Variants in GARIN3 observed in about 807,000 individuals in gnomAD.
The protein encoded by GARIN3 is golgi associated RAB2 interactor family member 3.
chr5:157,166,117 T>C, the GARIN3 span: 1 of 1,614,214 alleles, frequency 6.2e-7, no homozygotes, highest in Non-Finnish European at 8.5e-7. Context: ...AACGCACTCA[T>C]TGAAGAGTAG....
the GARIN3 span, among the ~76,000 whole-genome samples, chr5:157,164,848 T>TAAA: frequency 6.9e-6 from 1 of 145,748 alleles, no homozygotes; most frequent in African/African-American, 2.5e-5. Context: ...TCATCTCCAC[T>TAAA]AAAAAAAAAA....
At chr5:157,162,937 C>G in the GARIN3 span, 1 of 1,614,206 alleles carries the variant, frequency 6.2e-7, no homozygotes, top group Non-Finnish European at 8.5e-7. Context: ...GTGATGAGAA[C>G]TTTTCCTACT....
chr5:157,164,558 A>C, the GARIN3 span, among the ~76,000 whole-genome samples: 1 of 152,214 alleles, frequency 6.6e-6, no homozygotes, highest in Non-Finnish European at 1.5e-5. Context: ...AAGTACTGAT[A>C]CAATTCCTCA....
At chr5:157,165,655 C>T in the GARIN3 span, 165 of 1,614,026 alleles carry the variant, frequency 1.0e-4, no homozygotes, top group Middle Eastern at 3.3e-4. Context: ...AGGAGATAGA[C>T]AAGTTTTTCC....
At chr5:157,163,788 G>A in the GARIN3 span, 1 of 1,220,570 alleles carries the variant, frequency 8.2e-7, no homozygotes, top group Non-Finnish European at 1.1e-6. Context: ...GGGTGTGGTG[G>A]CTCACGCCTG....
At chr5:157,162,731 T>A in the GARIN3 span, 2 of 1,614,210 alleles carry the variant, frequency 1.2e-6, no homozygotes, top group East Asian at 2.2e-5. Context: ...AGTTCCTGAG[T>A]TGTTCTCGAC....
chr5:157,163,712 A>T, the GARIN3 span: 1 of 1,555,252 alleles, frequency 6.4e-7, no homozygotes, highest in Non-Finnish European at 8.7e-7. Context: ...AAGGGAGATC[A>T]GAACTTTCTA....
At chr5:157,163,289 A>C in the GARIN3 span, 1 of 1,614,046 alleles carries the variant, frequency 6.2e-7, no homozygotes, top group East Asian at 2.2e-5. Context: ...GACTTGCTGG[A>C]TTCATTTTCT....
At chr5:157,165,234 C>T in the GARIN3 span, among the ~76,000 whole-genome samples, 1 of 152,146 alleles carries the variant, frequency 6.6e-6, no homozygotes, top group Non-Finnish European at 1.5e-5. Flanking sequence ...ATAAAAGTTC[C>T]ACAACAAATC....
At chr5:157,162,895 G>T in the GARIN3 span, 3 of 1,614,054 alleles carry the variant, frequency 1.9e-6, no homozygotes, top group East Asian at 2.2e-5. Context: ...CTTGTCCCCC[G>T]CTCTCCTGCG....
At chr5:157,165,979 G>T in the GARIN3 span, 1 of 1,614,146 alleles carries the variant, frequency 6.2e-7, no homozygotes, top group Non-Finnish European at 8.5e-7. Context: ...ACACGGTTGT[G>T]TACATCAATC....
the GARIN3 span, chr5:157,165,635 T>C: frequency 6.2e-7 from 1 of 1,614,074 alleles, no homozygotes; most frequent in Admixed American, 1.7e-5. Flanking sequence ...AACTCTCTAC[T>C]GGTGGCCTCA....
chr5:157,162,241 G>A, the GARIN3 span: 6 of 712,962 alleles, frequency 8.4e-6, no homozygotes, highest in Non-Finnish European at 1.3e-5. Flanking sequence ...CTGGAGGCTG[G>A]GGTCTCCAGC....
chr5:157,163,536 T>C, the GARIN3 span: 2 of 1,614,010 alleles, frequency 1.2e-6, no homozygotes, highest in African/African-American at 1.3e-5. Flanking sequence ...CACTAGCCGT[T>C]CCGTGGGAGG....
chr5:157,163,090 C>T, the GARIN3 span: 3 of 1,614,128 alleles, frequency 1.9e-6, no homozygotes, highest in Non-Finnish European at 2.5e-6. Context: ...CACTGCTGGT[C>T]CTTCAGTTCT....
At chr5:157,163,103 C>T in the GARIN3 span, 1 of 1,614,250 alleles carries the variant, frequency 6.2e-7, no homozygotes, top group Non-Finnish European at 8.5e-7. Flanking sequence ...TCAGTTCTTT[C>T]TGCTGCACAC....
the GARIN3 span, among the ~76,000 whole-genome samples, chr5:157,164,870 A>G: frequency 6.6e-6 from 1 of 152,166 alleles, no homozygotes; most frequent in Non-Finnish European, 1.5e-5. Context: ...AATTATAAAA[A>G]TTAGTTGGAC....
At chr5:157,165,998 C>T in the GARIN3 span, 1 of 1,614,168 alleles carries the variant, frequency 6.2e-7, no homozygotes, top group Non-Finnish European at 8.5e-7. Flanking sequence ...TCACCTCTCC[C>T]TTTTTGTTTA....
the GARIN3 span, chr5:157,165,556 G>A: frequency 5.6e-5 from 90 of 1,601,798 alleles, no homozygotes; most frequent in Admixed American, 1.3e-3. Flanking sequence ...GCCTTTGAGA[G>A]GCTTACCACT....
Sources: allele counts gnomAD v4.1 joint callset (sites outside exome capture counted in the v4.1 genomes callset), GRCh38; gene constraint gnomAD v4.1.1; transcripts MANE v1.5; gene names NCBI Gene and HGNC (gene_info 2026-07-23, HGNC 2026-07-21).